Variants in LMBR1 observed in about 807,000 individuals in gnomAD.
LMBR1 encodes the protein limb development membrane protein 1.
In LMBR1, 52 loss-of-function variants were observed where a neutral mutation model predicts 73.9. The ratio of observed to expected loss-of-function variants is 0.70; its 90% CI spans 0.56 to 0.89. The LOEUF is 0.89. Ranked by LOEUF, LMBR1 falls within the 40% of genes least tolerant of loss-of-function variation. LMBR1 has a pLI of 0.00. For synonymous variants in LMBR1, 215 were observed against 209.4 expected, an observed-to-expected ratio of 1.03 and a Z score of -0.23; for missense variants, 539 against 579.8, an observed-to-expected ratio of 0.93 and a Z score of 0.72.
intron 1 of LMBR1, among the ~76,000 whole-genome samples, chr7:156,855,666 CAAAA>C (rs35231167): frequency 9.2e-5 from 8 of 87,270 alleles, no homozygotes; most frequent in South Asian, 7.9e-4. Flanking sequence ...AACGTAAATA[CAAAA>C]AAAAAAAAAA....
At chr7:156,887,463 CAAA>C (rs60786872) in intron 1 of LMBR1, among the ~76,000 whole-genome samples, 2 of 52,668 alleles carry the variant, frequency 3.8e-5, no homozygotes, top group East Asian at 4.8e-4. Flanking sequence ...GACTCCATCT[CAAA>C]AAAAAAAAAA....
At chr7:156,672,886 C>T (rs565967351), downstream of LMBR1, among the ~76,000 whole-genome samples, 6 of 152,298 alleles carry the variant, frequency 3.9e-5, no homozygotes, top group South Asian at 6.2e-4. Context: ...AAAATGTGAT[C>T]GGTAACTTCT....
intron 16 of LMBR1, among the ~76,000 whole-genome samples, chr7:156,686,162 G>C (rs909923991): frequency 1.3e-5 from 2 of 152,166 alleles, no homozygotes; most frequent in Non-Finnish European, 2.9e-5. Context: ...CACCCTTTTA[G>C]GATCGATTAT....
intron 1 of LMBR1, among the ~76,000 whole-genome samples, chr7:156,860,953 T>A (rs941689085): frequency 6.6e-6 from 1 of 152,250 alleles, no homozygotes; most frequent in African/African-American, 2.4e-5. Flanking sequence ...GCATTGAGTG[T>A]CTGCAGCTTT....
chr7:156,738,726 G>A (rs2132557533), intron 9 of LMBR1, among the ~76,000 whole-genome samples: 1 of 152,272 alleles, frequency 6.6e-6, no homozygotes, highest in South Asian at 2.1e-4. Context: ...GGGCCAGAAG[G>A]GAACCTGCTA....
downstream of LMBR1, chr7:156,676,905 G>A (rs1000888263): frequency 1.1e-5 from 5 of 443,446 alleles, no homozygotes; most frequent in African/African-American, 7.8e-5. Flanking sequence ...CAAAAAATGA[G>A]AGCTTGCTTA....
At chr7:156,825,842 A>C (rs1835592832) in intron 4 of LMBR1, among the ~76,000 whole-genome samples, 1 of 152,248 alleles carries the variant, frequency 6.6e-6, no homozygotes, top group Non-Finnish European at 1.5e-5. Context: ...CGGTGAGAGG[A>C]CAGTGGCTTT....
At chr7:156,718,726 G>C (rs74760046) in intron 15 of LMBR1, among the ~76,000 whole-genome samples, 1 of 152,038 alleles carries the variant, frequency 6.6e-6, no homozygotes, top group Non-Finnish European at 1.5e-5. Context: ...AACAGAATGA[G>C]GATCTGTTTC....
At chr7:156,844,161 C>CA (rs1002099696) in intron 1 of LMBR1, among the ~76,000 whole-genome samples, 7 of 151,826 alleles carry the variant, frequency 4.6e-5, no homozygotes, top group African/African-American at 1.5e-4. Context: ...CCCGTCTCTA[C>CA]AAAAAATACA....
At chr7:156,892,516 T>A (rs1242634696) in intron 1 of LMBR1, 1 of 155,184 alleles carries the variant, frequency 6.4e-6, no homozygotes, top group East Asian at 1.9e-4. Context: ...GGGGCCGCCG[T>A]CCACACCCCG....
chr7:156,740,850 GAAT>G (rs912162335), intron 9 of LMBR1, among the ~76,000 whole-genome samples: 72 of 152,212 alleles, frequency 4.7e-4, no homozygotes, highest in African/African-American at 1.7e-3. Context: ...GAAAAACACA[GAAT>G]ATTATAACAC....
downstream of LMBR1, chr7:156,676,387 C>G: frequency 6.2e-7 from 1 of 1,614,036 alleles, no homozygotes; most frequent in Non-Finnish European, 8.5e-7. Context: ...GAAACTAACC[C>G]GCGTGGCCTC....
intron 4 of LMBR1, among the ~76,000 whole-genome samples, chr7:156,805,003 G>A (rs57747063): frequency 0.44 from 66,931 of 151,778 alleles, 14,926 homozygotes; most frequent in East Asian, 0.61. Flanking sequence ...TTGAGTTACA[G>A]TTTGCGAATG....
intron 1 of LMBR1, among the ~76,000 whole-genome samples, chr7:156,858,709 T>C (rs1797314425): frequency 6.6e-6 from 1 of 152,116 alleles, no homozygotes; most frequent in South Asian, 2.1e-4. Context: ...AAGAATTATA[T>C]ACCACAACCA....
intron 1 of LMBR1, among the ~76,000 whole-genome samples, chr7:156,857,301 C>T (rs1384736066): frequency 6.6e-6 from 1 of 152,076 alleles, no homozygotes; most frequent in Non-Finnish European, 1.5e-5. Flanking sequence ...GAAAGACAAA[C>T]CATGTTAACA....
chr7:156,857,951 G>A (rs1003162178), intron 1 of LMBR1, among the ~76,000 whole-genome samples: 2 of 151,044 alleles, frequency 1.3e-5, no homozygotes, highest in Non-Finnish European at 2.9e-5. Flanking sequence ...CAAAAGCAGC[G>A]CTTAGAGGGA....
At chr7:156,848,171 C>A (rs1795767023) in intron 1 of LMBR1, among the ~76,000 whole-genome samples, 2 of 151,608 alleles carry the variant, frequency 1.3e-5, no homozygotes, top group South Asian at 4.2e-4. Context: ...CAGGCCCTGA[C>A]AAAGACTTCA....
intron 11 of LMBR1, 57 bp from the exon 12 acceptor site, chr7:156,728,064 T>A: frequency 7.3e-7 from 1 of 1,362,960 alleles, no homozygotes; most frequent in Non-Finnish European, 1.0e-6. Flanking sequence ...TACAAAATAT[T>A]AAAATCTAGG....
intron 3 of LMBR1, among the ~76,000 whole-genome samples, chr7:156,830,897 G>A (rs1389058065): frequency 1.3e-5 from 2 of 152,196 alleles, no homozygotes; most frequent in Non-Finnish European, 2.9e-5. Context: ...AACAGTGAAC[G>A]AACACAAGCG....
Sources: gnomAD v4.1 joint callset for allele counts (sites outside exome capture counted in the v4.1 genomes callset) on GRCh38, gnomAD v4.1.1 for gene constraint, MANE v1.5 for transcripts, NCBI Gene and HGNC (gene_info 2026-07-23, HGNC 2026-07-21) for gene names.